ENTREP2: variants seen among roughly 807,000 people sequenced by gnomAD.
The protein encoded by ENTREP2 is protein ENTREP2.
At chr15:29,206,105 G>A in the ENTREP2 span, among the ~76,000 whole-genome samples, 1 of 152,180 alleles carries the variant, frequency 6.6e-6, no homozygotes, top group Non-Finnish European at 1.5e-5. Flanking sequence ...ACCACAGACG[G>A]GGTGGCTTAT....
At chr15:29,470,419 C>G in the ENTREP2 span, among the ~76,000 whole-genome samples, 5 of 152,184 alleles carry the variant, frequency 3.3e-5, no homozygotes, top group Admixed American at 2.0e-4. Flanking sequence ...TGCCAGCTCC[C>G]TTGCAAACTT....
chr15:29,243,756 T>C, the ENTREP2 span, among the ~76,000 whole-genome samples: 3 of 152,176 alleles, frequency 2.0e-5, no homozygotes, highest in African/African-American at 7.2e-5. Context: ...AGATGAAATA[T>C]ACAATGTTCG....
chr15:29,480,830 G>C, the ENTREP2 span, among the ~76,000 whole-genome samples: 1 of 152,198 alleles, frequency 6.6e-6, no homozygotes, highest in Non-Finnish European at 1.5e-5. Context: ...CAGTTGGGGG[G>C]TGAGAGTCTG....
chr15:29,328,824 A>G, the ENTREP2 span, among the ~76,000 whole-genome samples: 4 of 152,132 alleles, frequency 2.6e-5, no homozygotes, highest in Non-Finnish European at 1.5e-5. Flanking sequence ...AGCTTAATAG[A>G]CTATTGATGG....
At chr15:29,385,538 T>C in the ENTREP2 span, among the ~76,000 whole-genome samples, 2 of 152,188 alleles carry the variant, frequency 1.3e-5, no homozygotes, top group Admixed American at 6.5e-5. Flanking sequence ...TGGTGACCCC[T>C]GGCCTTACAG....
At chr15:29,243,468 A>G in the ENTREP2 span, among the ~76,000 whole-genome samples, 1 of 152,184 alleles carries the variant, frequency 6.6e-6, no homozygotes, top group South Asian at 2.1e-4. Context: ...CCACAAGAGC[A>G]CTGTGTATCA....
the ENTREP2 span, among the ~76,000 whole-genome samples, chr15:29,450,538 T>G: frequency 6.6e-6 from 1 of 152,186 alleles, no homozygotes; most frequent in African/African-American, 2.4e-5. Context: ...AGTTCAATCA[T>G]TGTGGAAAGC....
the ENTREP2 span, among the ~76,000 whole-genome samples, chr15:29,477,771 T>C: frequency 3.3e-5 from 5 of 151,776 alleles, no homozygotes; most frequent in African/African-American, 4.8e-5. Flanking sequence ...CTGTACCCAC[T>C]TGGGGAGGGG....
the ENTREP2 span, among the ~76,000 whole-genome samples, chr15:29,362,698 T>C: frequency 6.6e-6 from 1 of 152,144 alleles, no homozygotes; most frequent in Non-Finnish European, 1.5e-5. Flanking sequence ...CTTTCTATTC[T>C]AGCTCGCTGT....
chr15:29,457,151 G>A, the ENTREP2 span, among the ~76,000 whole-genome samples: 5 of 152,196 alleles, frequency 3.3e-5, no homozygotes, highest in African/African-American at 1.2e-4. Context: ...ACTTCCCAAA[G>A]GAAAGGAAGC....
the ENTREP2 span, among the ~76,000 whole-genome samples, chr15:29,572,543 G>A: frequency 7.0e-6 from 1 of 142,896 alleles, no homozygotes; most frequent in Non-Finnish European, 1.5e-5. Flanking sequence ...CTAATCATAA[G>A]GCTTTTTTTT....
the ENTREP2 span, among the ~76,000 whole-genome samples, chr15:29,507,525 A>G: frequency 2.0e-5 from 3 of 152,204 alleles, no homozygotes; most frequent in South Asian, 4.1e-4. Context: ...CTCCTCAGCA[A>G]ATGCCAAAGA....
the ENTREP2 span, among the ~76,000 whole-genome samples, chr15:29,254,251 T>C: frequency 2.0e-5 from 3 of 151,840 alleles, no homozygotes; most frequent in South Asian, 4.2e-4. Context: ...AATGTCTTTA[T>C]GCTATTTCAA....
chr15:29,247,669 A>G, the ENTREP2 span, among the ~76,000 whole-genome samples: 1 of 152,338 alleles, frequency 6.6e-6, no homozygotes, highest in East Asian at 1.9e-4. Flanking sequence ...TTCACCACCC[A>G]GCATACATGT....
At chr15:29,326,127 C>G in the ENTREP2 span, among the ~76,000 whole-genome samples, 1 of 152,066 alleles carries the variant, frequency 6.6e-6, no homozygotes, top group East Asian at 1.9e-4. Context: ...AACATCACAC[C>G]TAATAATGAA....
chr15:29,214,068 G>A, the ENTREP2 span, among the ~76,000 whole-genome samples: 1 of 152,158 alleles, frequency 6.6e-6, no homozygotes, highest in Non-Finnish European at 1.5e-5. Flanking sequence ...TGGAGAAATA[G>A]GAACACTTTT....
chr15:29,263,982 C>T, the ENTREP2 span, among the ~76,000 whole-genome samples: 12 of 151,902 alleles, frequency 7.9e-5, no homozygotes, highest in South Asian at 1.7e-3. Context: ...GTGAAATCCC[C>T]GTCTCTACTA....
chr15:29,567,004 T>C, the ENTREP2 span, among the ~76,000 whole-genome samples: 1 of 152,144 alleles, frequency 6.6e-6, no homozygotes, highest in Non-Finnish European at 1.5e-5. Context: ...AACAAACTAC[T>C]CTATTAAAGG....
chr15:29,123,603 C>T, the ENTREP2 span: 64 of 1,551,634 alleles, frequency 4.1e-5, no homozygotes, highest in Middle Eastern at 3.3e-4. Flanking sequence ...CTGGGTCCCC[C>T]GCTGGTGAAA....
Sources: gnomAD v4.1 joint callset for allele counts (sites outside exome capture counted in the v4.1 genomes callset) on GRCh38, gnomAD v4.1.1 for gene constraint, MANE v1.5 for transcripts, NCBI Gene and HGNC (gene_info 2026-07-23, HGNC 2026-07-21) for gene names.